The following CDS2 variants were observed in gnomAD, a reference collection of about 807,000 sequenced individuals.
CDS2 encodes the protein phosphatidate cytidylyltransferase 2.
A neutral mutation model predicts 59.0 loss-of-function variants in CDS2; 47 were observed. The ratio of observed to expected loss-of-function variants is 0.80; its 90% CI spans 0.63 to 1.02. CDS2 has a LOEUF of 1.02. Among genes scored for constraint, CDS2 ranks in the 50% least tolerant of loss-of-function variants. The pLI, the probability that CDS2 is intolerant of heterozygous loss-of-function variation, is 0.00. For missense variants in CDS2, 356 were observed against 558.9 expected (o/e 0.64, Z 3.66); for synonymous variants, 207 against 206.4 (o/e 1.00, Z -0.02).
intron 3 of CDS2, chr20:5,176,425 G>A: frequency 1.9e-6 from 1 of 520,880 alleles, no homozygotes; most frequent in Non-Finnish European, 3.5e-6. Context: ...ATCAGGGTGT[G>A]TATTTTATTG....
chr20:5,189,170 G>A lies in CDS2; in HGVS notation c.1085G>A (p.Arg362Gln). ...FGGFFASGFK[R>Q]AFKIKDFANT... is the part of the protein sequence containing the mutation. Reference sequence around the variant, plus strand: ...GGATTCTTCGCAAGTGGATTCAAACGAGCCTTTAAAATCAAAGTAGGAAAA... The same window carrying A: ...GGATTCTTCGCAAGTGGATTCAAACAAGCCTTTAAAATCAAAGTAGGAAAA... Residue 362 changes from arginine to glutamine, a missense_variant, in exon 11 of 13, where the codon CGA becomes CAA. Physicochemically the swap from Arg to Gln is conservative, Grantham distance 43. Transcript: ENST00000460006. 1.2e-6 allele frequency: 2 copies of A among 1,613,982 alleles called. No homozygotes were observed. The highest frequency in any genetic ancestry group is 1.7e-6 in the Non-Finnish European group (2 of 1,179,962).
Position 5,175,253 on chromosome 20 carries a change from C to G in CDS2, c.265C>G (p.Leu89Val). 1 of 1,613,936 alleles carries G rather than the reference C, an allele frequency of 6.2e-7. No individual in the cohort carries two copies. Among genetic ancestry groups the G allele is most frequent in the Non-Finnish European group, 8.5e-7 (1 of 1,179,818 alleles). The change falls in exon 3 of 13, where the codon CTG (leucine) becomes GTG (valine). Residue 89 changes from leucine to valine, a missense_variant. Leu to Val is a conservative substitution (Grantham distance 32, BLOSUM62 1). Around this residue, in one of 5 missense-constraint regions of CDS2, gnomAD observed 107 missense variants for 129.7 expected, o/e 0.82. Coordinates refer to ENST00000460006, the MANE Select transcript of CDS2 (RefSeq NM_003818.4). ...TGCATTTTTCTTCATCATCATTTAC[C>G]TGGGACCAATGGTTTTGATGATAAT... is the stretch of plus-strand genomic sequence containing the variant. ...MIAFFFIIIY[L>V]GPMVLMIIVM...
chr20:5,136,317 C>G (rs2090649658), intron 1 of CDS2, among the ~76,000 whole-genome samples: 1 of 152,190 alleles, frequency 6.6e-6, no homozygotes, highest in Non-Finnish European at 1.5e-5. Flanking sequence ...GCGATAAAAT[C>G]CCAGATGACT....
rs79246283 is a variant in CDS2 at position 5,174,064 on chromosome 20, G to C, written c.194+405G>C. Reference sequence around the variant, plus strand: ...GTCCACGTTTCCAGTTCAGAGTTTAGTTTCTCTCACATCCTTTGTGAACAG... The same window carrying C: ...GTCCACGTTTCCAGTTCAGAGTTTACTTTCTCTCACATCCTTTGTGAACAG... On this transcript the variant is annotated intron_variant, in intron 2 of 12. Coordinates refer to ENST00000460006, the MANE Select transcript of CDS2 (RefSeq NM_003818.4). Among the ~76,000 whole-genome samples, 315 of 152,320 alleles carry C rather than the reference G, an allele frequency of 2.1e-3. 1 individual carries two copies. Among genetic ancestry groups the C allele is most frequent in the African/African-American group, 6.2e-3 (258 of 41,560 alleles).
intron 1 of CDS2, among the ~76,000 whole-genome samples, chr20:5,168,457 G>C (rs1449351106): frequency 6.6e-6 from 1 of 151,406 alleles, no homozygotes; most frequent in African/African-American, 2.4e-5. Context: ...AAAAAGAAAT[G>C]GGGTATAGGG....
chr20:5,134,267 T>C (rs2090630700), intron 1 of CDS2, among the ~76,000 whole-genome samples: 1 of 152,196 alleles, frequency 6.6e-6, no homozygotes, highest in Non-Finnish European at 1.5e-5. Context: ...ACTGTTAGCA[T>C]GAGAACCATT....
intron 8 of CDS2, among the ~76,000 whole-genome samples, chr20:5,185,163 G>A (rs1440152954): frequency 6.6e-6 from 1 of 151,980 alleles, no homozygotes; most frequent in Admixed American, 6.6e-5. Flanking sequence ...GGTCATGCCT[G>A]TAATCCTAGC....
chr20:5,149,504 C>A (rs1368743806), intron 1 of CDS2, among the ~76,000 whole-genome samples: 5 of 152,056 alleles, frequency 3.3e-5, no homozygotes, highest in Non-Finnish European at 7.4e-5. Flanking sequence ...CTTGTGATGA[C>A]ATGCTTAGAA....
chr20:5,141,610 A>G (rs2090694532), intron 1 of CDS2, among the ~76,000 whole-genome samples: 1 of 152,124 alleles, frequency 6.6e-6, no homozygotes, highest in Admixed American at 6.5e-5. Flanking sequence ...TGTATCCAAT[A>G]TACAATATTG....
At chr20:5,149,471 C>T (rs2090771424) in intron 1 of CDS2, among the ~76,000 whole-genome samples, 1 of 152,096 alleles carries the variant, frequency 6.6e-6, no homozygotes, top group South Asian at 2.1e-4. Flanking sequence ...TTGGCTAAAC[C>T]TATGAGTCTT....
chr20:5,133,117 G>A (rs1312706211), intron 1 of CDS2, among the ~76,000 whole-genome samples: 1 of 151,936 alleles, frequency 6.6e-6, no homozygotes, highest in Non-Finnish European at 1.5e-5. Context: ...GGAGCTTGCA[G>A]TGAGCCGAGA....
rs1197265474 is a variant in CDS2 at position 5,184,995 on chromosome 20, C to T, written c.759+50C>T. The T allele has an allele frequency of 7.5e-7, 1 of 1,329,568 alleles. No individual in the cohort carries two copies. Among genetic ancestry groups the T allele is most frequent in the Non-Finnish European group, 1.1e-6 (1 of 920,728 alleles). The allele number at this position is 1,329,568 out of a possible 1,614,324, so 82.4% of individuals were successfully genotyped here. A position where few individuals can be genotyped will look rare whatever the true frequency, so the allele number is the denominator to read the frequency against. The stretch of plus-strand genomic sequence containing the variant: ...ATACCACTGTGAGGGGAGGGTGGTG[C>T]TCTCAATGTGAGTAGATCAGCCTGG... On this transcript the variant is annotated intron_variant, in intron 8 of 12. Transcript: ENST00000460006. The surrounding 1 kb of genome is among the most constrained non-coding windows in gnomAD (Gnocchi z 4.3).
At chr20:5,150,789 C>G (rs1319135411) in intron 1 of CDS2, among the ~76,000 whole-genome samples, 1 of 152,204 alleles carries the variant, frequency 6.6e-6, no homozygotes, top group Non-Finnish European at 1.5e-5. Context: ...TCCAAACCCT[C>G]ATTAGGTGCT....
chr20:5,160,120 T>C (rs1294304067), intron 1 of CDS2, among the ~76,000 whole-genome samples: 1 of 152,202 alleles, frequency 6.6e-6, no homozygotes, highest in Non-Finnish European at 1.5e-5. Context: ...GAATCACAAC[T>C]GTTTCATCTG....
chr20:5,160,358 G>C (rs983944672), intron 1 of CDS2, among the ~76,000 whole-genome samples: 7 of 152,166 alleles, frequency 4.6e-5, no homozygotes, highest in Non-Finnish European at 7.3e-5. Context: ...AGAAGTTGTA[G>C]GTTGCTGAGG....
rs774497376 is a variant in CDS2, at chr20:5,189,197, C to T, written c.1101+11C>T. On this transcript the variant is annotated intron_variant, in intron 11 of 12. Transcript: ENST00000460006. ...GCCTTTAAAATCAAAGTAGGAAAACCGTCTTACGTTCCTCTCATCTCACTC... is the reference window on the plus strand; with the variant it reads ...GCCTTTAAAATCAAAGTAGGAAAACTGTCTTACGTTCCTCTCATCTCACTC... The T allele has an allele frequency of 1.9e-5, 31 of 1,613,746 alleles. No individual in the cohort carries two copies. In the African/African-American group the frequency reaches 2.5e-4, roughly 13 times the overall value.
intron 1 of CDS2, 80 bp from the exon 2 acceptor site, chr20:5,173,443 T>A: frequency 6.6e-7 from 1 of 1,514,578 alleles, no homozygotes; most frequent in Non-Finnish European, 9.1e-7. Context: ...TCCCCACAGA[T>A]CTCTCATGAC....
At chr20:5,173,786 C>CCA (rs2090974378) in intron 2 of CDS2, 127 bp downstream of exon 2, 1 of 1,062,198 alleles carries the variant, frequency 9.4e-7, no homozygotes, top group African/African-American at 1.6e-5. Flanking sequence ...GCCTCCCATG[C>CCA]CACTGCTCCA....
At chr20:5,146,151 A>G (rs1208809334) in intron 1 of CDS2, among the ~76,000 whole-genome samples, 8 of 152,176 alleles carry the variant, frequency 5.3e-5, no homozygotes, top group Non-Finnish European at 1.0e-4. Flanking sequence ...TGGCATTACA[A>G]CATAGAAGCA....
Sources: gnomAD v4.1 joint callset for allele counts (sites outside exome capture counted in the v4.1 genomes callset) on GRCh38, gnomAD v4.1.1 for gene constraint, gnomAD v4.1.1 regional missense constraint, Gnocchi (gnomAD v3.1) non-coding constraint, MANE v1.5 for transcripts, NCBI Gene and HGNC (gene_info 2026-07-23, HGNC 2026-07-21) for gene names.